The following UGT2A3 variants were observed in gnomAD, a reference collection of about 807,000 sequenced individuals.
The protein encoded by UGT2A3 is UDP glucuronosyltransferase family 2 member A3, also known as UDP-glucuronosyltransferase 2A3.
In UGT2A3, 55 loss-of-function variants were observed where a neutral mutation model predicts 44.1. The ratio of observed to expected loss-of-function variants is 1.25; its 90% CI spans 1.00 to 1.56. The LOEUF is 1.56. UGT2A3 is among the 40% of genes most tolerant of loss of function. UGT2A3 has a pLI of 0.00. For missense variants in UGT2A3, 733 were observed against 621.6 expected, an observed-to-expected ratio of 1.18 and a Z score of -1.91; for synonymous variants, 243 against 215.1, an observed-to-expected ratio of 1.13 and a Z score of -1.13.
chr4:68,943,302 T>C, intron 2 of UGT2A3: 9 of 1,268,380 alleles, frequency 7.1e-6, no homozygotes, highest in Non-Finnish European at 7.1e-6. Context: ...ATGGAAATTG[T>C]CAGCTCTCCT....
intron 5 of UGT2A3, 80 bp downstream of exon 5, chr4:68,930,466 C>T: frequency 7.7e-7 from 1 of 1,303,702 alleles, no homozygotes; most frequent in South Asian, 1.6e-5. Context: ...ACATGTCTAC[C>T]AGGATGATAT....
chr4:68,930,155 T>C (rs1023316999), intron 5 of UGT2A3, 63 bp from the exon 6 acceptor site: 3 of 1,491,954 alleles, frequency 2.0e-6, no homozygotes, highest in Non-Finnish European at 2.7e-6. Context: ...AAAAGACAGG[T>C]AGATAAACCG....
chr4:68,931,315 A>C, intron 3 of UGT2A3, 73 bp from the exon 4 acceptor site: 1 of 1,231,768 alleles, frequency 8.1e-7, no homozygotes, highest in Non-Finnish European at 1.2e-6. Context: ...AGATATAGTT[A>C]TAAATTATAA....
chr4:68,943,187 T>C, intron 2 of UGT2A3: 1 of 442,742 alleles, frequency 2.3e-6, no homozygotes, highest in South Asian at 2.5e-5. Flanking sequence ...ACTTCTATGA[T>C]TATTTCTATG....
At chr4:68,935,315 T>TATATAC (rs1717903615) in intron 2 of UGT2A3, among the ~76,000 whole-genome samples, 4 of 135,688 alleles carry the variant, frequency 2.9e-5, no homozygotes, top group South Asian at 4.7e-4. Flanking sequence ...TATATATATA[T>TATATAC]ATGCATAATA....
In UGT2A3 at chr4:68,950,025, A is replaced by AG. The variant is rs202054358; in HGVS notation, c.715+1020dup. 6.4e-3 allele frequency among the ~76,000 whole-genome samples: 972 copies of AG among 151,908 alleles called. 13 individuals carry two copies. Among genetic ancestry groups the AG allele is most frequent in the African/African-American group, 0.022 (912 of 41,490 alleles). On this transcript the variant is annotated intron_variant, in intron 1 of 5. Coordinates refer to ENST00000251566, the MANE Select transcript of UGT2A3 (RefSeq NM_024743.4). ...TTTTATTTTAAATTTCAATCTTGTC[A>AG]GGGGGCTTTTACTATAATCCTATTT...
rs779866343 is a variant in UGT2A3, at chr4:68,951,439, T to C, written c.322A>G (p.Ile108Val). The change falls in exon 1 of 6, where the codon ATA (isoleucine) becomes GTA (valine). Residue 108 changes from isoleucine to valine, a missense_variant. By Grantham distance (29) the Ile-to-Val change is conservative (BLOSUM62 3). Coordinates refer to ENST00000251566, the MANE Select transcript of UGT2A3 (RefSeq NM_024743.4). ...TCAACAAAAAAATCATTTAATTTTATAACTGATTGCCAGGTTGATAAGCCT... is the reference window on the plus strand; with the variant it reads ...TCAACAAAAAAATCATTTAATTTTACAACTGATTGCCAGGTTGATAAGCCT... ...LPGLSTWQSVIKLNDFFVEIR... is the reference protein window; with the variant it reads ...LPGLSTWQSVVKLNDFFVEIR... The C allele has an allele frequency of 5.6e-6, 9 of 1,611,922 alleles. No homozygotes were observed. The highest frequency in any genetic ancestry group is 6.8e-6 in the Non-Finnish European group (8 of 1,179,110).
chr4:68,942,518 TATATATATATATATATA>T, intron 2 of UGT2A3, among the ~76,000 whole-genome samples: 1 of 21,440 alleles, frequency 4.7e-5, no homozygotes, highest in East Asian at 1.2e-3. Flanking sequence ...TATATATATA[TATATATATATATATATA>T]TATACATTTT....
At chr4:68,946,836 A>C in intron 1 of UGT2A3, among the ~76,000 whole-genome samples, 1 of 151,724 alleles carries the variant, frequency 6.6e-6, no homozygotes, top group East Asian at 1.9e-4. Flanking sequence ...TTTGGGTCCC[A>C]GGACATATAA....
chr4:68,941,978 A>T (rs1718204403), intron 2 of UGT2A3, among the ~76,000 whole-genome samples: 1 of 151,868 alleles, frequency 6.6e-6, no homozygotes, highest in Admixed American at 6.6e-5. Flanking sequence ...AGGCAAAAAT[A>T]ACAAGTGCTA....
In UGT2A3 at chr4:68,929,917, A is replaced by C. The variant is rs62641707; in HGVS notation, c.1480T>G (p.Phe494Val). Reference protein sequence around the residue: ...FQHYSIDVIGFLLACVATAIF... With the variant: ...FQHYSIDVIGVLLACVATAIF... The stretch of plus-strand genomic sequence containing the variant: ...GCAGTTGCCACACAGGCCAGCAGGA[A>C]CCCAATCACATCTATAGAGTAGTGC... Residue 494 changes from phenylalanine to valine, a missense_variant, in exon 6 of 6, where the codon TTC becomes GTC. Transcript: ENST00000251566. 0.029 allele frequency: 46,886 copies of C among 1,613,446 alleles called. 837 individuals carry two copies. The highest frequency in any genetic ancestry group is 0.034 in the Non-Finnish European group (40,050 of 1,179,550).
chr4:68,945,061 C>G (rs1718334271), intron 2 of UGT2A3, among the ~76,000 whole-genome samples: 1 of 151,604 alleles, frequency 6.6e-6, no homozygotes, highest in African/African-American at 2.4e-5. Flanking sequence ...ATTTATTATC[C>G]AAACTATTGT....
intron 2 of UGT2A3, among the ~76,000 whole-genome samples, chr4:68,938,425 C>A (rs1429549262): frequency 6.6e-6 from 1 of 151,938 alleles, no homozygotes; most frequent in South Asian, 2.1e-4. Context: ...AAATGTAATC[C>A]TTCACACAAG....
At chr4:68,950,561 T>G (rs2109799259) in intron 1 of UGT2A3, among the ~76,000 whole-genome samples, 1 of 151,998 alleles carries the variant, frequency 6.6e-6, no homozygotes, top group Admixed American at 6.6e-5. Flanking sequence ...ACCGTAAGTC[T>G]TTTAACTTTT....
chr4:68,928,971 C>A lies in UGT2A3; in HGVS notation c.*842G>T, dbSNP rs1164741279. On this transcript the variant is annotated 3_prime_UTR_variant, in exon 6 of 6. Coordinates refer to ENST00000251566, the MANE Select transcript of UGT2A3 (RefSeq NM_024743.4). ...AGAGATAAGAATTATGAGTATTCAT[C>A]ATTTTTAAAGAATAAACATATAAAT... 1.3e-5 allele frequency: 2 copies of A among 151,982 alleles called. No individual in the cohort carries two copies. The highest frequency in any genetic ancestry group is 2.9e-5 in the Non-Finnish European group (2 of 67,958). 9.4% of individuals were successfully genotyped at this position (151,982 alleles called of 1,614,324 possible).
At chr4:68,942,126 G>A (rs1229519287) in intron 2 of UGT2A3, among the ~76,000 whole-genome samples, 3 of 151,568 alleles carry the variant, frequency 2.0e-5, no homozygotes, top group Middle Eastern at 6.4e-3. Flanking sequence ...TTCCATTACT[G>A]GGTGTATATT....
chr4:68,928,742 TG>T lies in UGT2A3; in HGVS notation c.*1070del. The T allele has an allele frequency of 6.6e-6, 1 of 152,060 alleles. No individual in the cohort carries two copies. The highest frequency in any genetic ancestry group is 2.1e-4 in the South Asian group (1 of 4,826). The allele number at this position is 152,060 out of a possible 1,614,324, so 9.4% of individuals were successfully genotyped here. A position where few individuals can be genotyped will look rare whatever the true frequency, so the allele number is the denominator to read the frequency against. Reference sequence around the variant, plus strand: ...AACATTATTACACTATATTTAGCTTTGTGTAGAGCTTTACATATCAAAATAT... The same window carrying T: ...AACATTATTACACTATATTTAGCTTTTGTAGAGCTTTACATATCAAAATAT... On this transcript the variant is annotated 3_prime_UTR_variant, in exon 6 of 6. Coordinates refer to ENST00000251566, the MANE Select transcript of UGT2A3 (RefSeq NM_024743.4).
intron 1 of UGT2A3, among the ~76,000 whole-genome samples, chr4:68,949,050 T>A (rs1484777482): frequency 6.6e-6 from 1 of 151,756 alleles, no homozygotes; most frequent in Admixed American, 6.6e-5. Context: ...TTATCTCTCC[T>A]GGGACCTAAT....
chr4:68,932,666 T>C lies in UGT2A3; in HGVS notation c.958A>G (p.Asn320Asp). The C allele has an allele frequency of 6.2e-7, 1 of 1,611,942 alleles. No homozygotes were observed. Among genetic ancestry groups the C allele is most frequent in the Non-Finnish European group, 8.5e-7 (1 of 1,178,812 alleles). ...TGGGCAAGGGCTGAAGCAATGATAT[T>C]AGCCTTTTCTTCTGTAACATTTTGA... ...LFQNVTEEKA[N>D]IIASALAQIP... Residue 320 changes from asparagine (N) to aspartate (D), a missense_variant, in exon 3 of 6, where the codon AAT becomes GAT. Transcript: ENST00000251566.
Sources: allele counts gnomAD v4.1 joint callset (sites outside exome capture counted in the v4.1 genomes callset), GRCh38; gene constraint gnomAD v4.1.1; transcripts MANE v1.5; gene names NCBI Gene and HGNC (gene_info 2026-07-23, HGNC 2026-07-21).